Variants in LMO7 observed in about 807,000 individuals in gnomAD.
LMO7 encodes LIM domain only protein 7.
LMO7 carries 120 observed loss-of-function variants against 206.5 expected under a neutral mutation model. That is an observed-to-expected ratio of 0.58 (90% CI 0.50 to 0.68). The LOEUF (loss-of-function observed/expected upper bound fraction) is 0.68, where lower values mean the gene tolerates loss of function less well. Among genes scored for constraint, LMO7 ranks in the 30% least tolerant of loss-of-function variants. LMO7 has a pLI of 0.00. For synonymous variants in LMO7, 706 were observed against 681.5 expected (o/e 1.04, Z -0.56); for missense variants, 1,959 against 1,957.9 (o/e 1.00, Z -0.01).
chr13:75,677,755 TAA>T (rs1259199998), intron 1 of LMO7, among the ~76,000 whole-genome samples: 170 of 151,468 alleles, frequency 1.1e-3, no homozygotes, highest in African/African-American at 3.9e-3. Flanking sequence ...ACTCGTCATT[TAA>T]CATTAGGTAT....
chr13:75,795,317 G>A, intron 4 of LMO7, 84 bp from the exon 5 acceptor site: 1 of 867,606 alleles, frequency 1.2e-6, no homozygotes, highest in South Asian at 1.6e-5. Flanking sequence ...TAGAATTTTA[G>A]AATAAAAATG....
At chr13:75,764,161 G>C (rs1443346121) in intron 4 of LMO7, among the ~76,000 whole-genome samples, 1 of 152,046 alleles carries the variant, frequency 6.6e-6, no homozygotes, top group Admixed American at 6.6e-5. Context: ...CTGACTTAAT[G>C]GGTAGGATCC....
At chr13:75,848,065 A>T (rs1314757033) in intron 26 of LMO7, among the ~76,000 whole-genome samples, 1 of 151,978 alleles carries the variant, frequency 6.6e-6, no homozygotes, top group African/African-American at 2.4e-5. Context: ...TTTTATTTTT[A>T]AATTTTTTTA....
At chr13:75,669,773 G>A (rs1337259440) in intron 1 of LMO7, among the ~76,000 whole-genome samples, 6 of 152,148 alleles carry the variant, frequency 3.9e-5, no homozygotes, top group African/African-American at 7.2e-5. Context: ...CATGAGAATA[G>A]GGACTTATTT....
chr13:75,661,235 G>A (rs1566284535), intron 1 of LMO7, among the ~76,000 whole-genome samples: 2 of 152,054 alleles, frequency 1.3e-5, no homozygotes, highest in Admixed American at 1.3e-4. Context: ...GTTTTCCATC[G>A]TACTGTGTAT....
At chr13:75,681,820 G>A (rs1008208862) in intron 1 of LMO7, among the ~76,000 whole-genome samples, 4 of 148,090 alleles carry the variant, frequency 2.7e-5, no homozygotes, top group South Asian at 2.1e-4. Flanking sequence ...AGACATATCC[G>A]TACTGTTGTT....
intron 2 of LMO7, among the ~76,000 whole-genome samples, chr13:75,722,362 A>G (rs1002623682): frequency 2.6e-4 from 40 of 152,158 alleles, no homozygotes; most frequent in African/African-American, 9.4e-4. Context: ...GAAAAAAACA[A>G]TCCCATCAAA....
chr13:75,781,121 CT>C (rs34454462), intron 4 of LMO7, among the ~76,000 whole-genome samples: 53 of 59,530 alleles, frequency 8.9e-4, no homozygotes, highest in Non-Finnish European at 1.4e-3. Context: ...TTTTTTTTTG[CT>C]TTTTTTTTTC....
chr13:75,855,465 C>T (rs1316508886), intron 29 of LMO7, 97 bp downstream of exon 29: 1 of 667,628 alleles, frequency 1.5e-6, no homozygotes, highest in Non-Finnish European at 2.7e-6. Flanking sequence ...CACTAACAAG[C>T]TAGGTGCTGT....
At chr13:75,825,250 A>G (rs770468151) in intron 15 of LMO7, among the ~76,000 whole-genome samples, 9 of 152,222 alleles carry the variant, frequency 5.9e-5, no homozygotes, top group Non-Finnish European at 8.8e-5. Context: ...CTTGGGCAAC[A>G]TAAGGTACCA....
intron 3 of LMO7, among the ~76,000 whole-genome samples, chr13:75,738,155 C>T (rs1326307892): frequency 1.3e-5 from 2 of 152,040 alleles, no homozygotes; most frequent in African/African-American, 2.4e-5. Flanking sequence ...TTCACCAAGG[C>T]GATTCAAATA....
chr13:75,796,929 T>C (rs945664282), intron 6 of LMO7, among the ~76,000 whole-genome samples, 180 bp downstream of exon 6: 10 of 152,238 alleles, frequency 6.6e-5, no homozygotes, highest in African/African-American at 1.9e-4. Context: ...TGGCTTTATA[T>C]GCCACCACCA....
At chr13:75,804,214 A>G in intron 7 of LMO7, 75 bp from the exon 8 acceptor site, 1 of 1,468,190 alleles carries the variant, frequency 6.8e-7, no homozygotes, top group Admixed American at 1.9e-5. Flanking sequence ...GGAAAGACAA[A>G]GCAGGCGCGC....
chr13:75,651,445 G>C (rs909458729), intron 1 of LMO7, among the ~76,000 whole-genome samples: 1 of 151,914 alleles, frequency 6.6e-6, no homozygotes, highest in African/African-American at 2.4e-5. Context: ...GAGTGGCTGG[G>C]ACTACAGGCA....
At chr13:75,756,710 AACTTGTCTTAGTTC>A (rs1436967151) in intron 3 of LMO7, among the ~76,000 whole-genome samples, 1 of 152,146 alleles carries the variant, frequency 6.6e-6, no homozygotes, top group East Asian at 1.9e-4. Context: ...GGGAGCAGGT[AACTTGTCTTAGTTC>A]ACTGACATTC....
intron 1 of LMO7, among the ~76,000 whole-genome samples, chr13:75,643,048 A>G (rs2036700165): frequency 6.6e-6 from 1 of 152,170 alleles, no homozygotes; most frequent in Admixed American, 6.5e-5. Context: ...CAAATCCTTA[A>G]AACTTCTCCT....
intron 3 of LMO7, among the ~76,000 whole-genome samples, chr13:75,737,707 C>T (rs1321567048): frequency 1.6e-5 from 2 of 125,748 alleles, no homozygotes; most frequent in Admixed American, 8.6e-5. Flanking sequence ...GAGCCGAGAT[C>T]GCGCCACTGC....
rs541119965 is a variant in LMO7 at position 75,728,173 on chromosome 13, G to A, written c.210+1075G>A. ...ATTGCTGGGTCAAATGGTATTTCTC[G>A]TTCTAGATCCCTGAGGAATCGCCAC... On this transcript the variant is annotated intron_variant, in intron 3 of 30. Transcript: ENST00000377534. 4.6e-5 allele frequency among the ~76,000 whole-genome samples: 7 copies of A among 152,218 alleles called. 1 individual carries two copies. Among genetic ancestry groups the A allele is most frequent in the South Asian group, 2.1e-4 (1 of 4,806 alleles).
intron 27 of LMO7, among the ~76,000 whole-genome samples, chr13:75,852,703 T>G (rs930670760): frequency 6.6e-6 from 1 of 152,226 alleles, no homozygotes; most frequent in African/African-American, 2.4e-5. Flanking sequence ...ATGACCAGTC[T>G]GTTGTTGACT....
Sources: allele counts gnomAD v4.1 joint callset (sites outside exome capture counted in the v4.1 genomes callset), GRCh38; gene constraint gnomAD v4.1.1; transcripts MANE v1.5; gene names NCBI Gene and HGNC (gene_info 2026-07-23, HGNC 2026-07-21).